PHF21B: variants seen among roughly 807,000 people sequenced by gnomAD.
PHF21B encodes PHD finger protein 4.
Under a neutral mutation model 62.2 loss-of-function variants are expected in PHF21B, and 22 were observed. That is an observed-to-expected ratio of 0.35 (90% CI 0.25 to 0.51). The LOEUF (loss-of-function observed/expected upper bound fraction) is 0.51, where lower values mean the gene tolerates loss of function less well. Ranked by LOEUF, PHF21B falls within the 20% of genes least tolerant of loss-of-function variation. The pLI is 0.97. For synonymous variants in PHF21B, 341 were observed against 314.7 expected (o/e 1.08, Z -0.88); for missense variants, 701 against 707.9 (o/e 0.99, Z 0.11).
At chr22:44,891,220 CCCAGGCCCAGGCGTGGAGGA>C (rs2070957961) in intron 8 of PHF21B, 66 bp downstream of exon 8, 2 of 1,492,088 alleles carry the variant, frequency 1.3e-6, no homozygotes, top group South Asian at 2.4e-5. Flanking sequence ...GGCAGCCCTG[CCCAGGCCCAGGCGTGGAGGA>C]CCACCCAGGG....
At position 45,009,225 on chromosome 22, in the gene PHF21B, A is replaced by C; in HGVS notation, c.54+271T>G. The C allele has an allele frequency of 2.2e-6, 1 of 447,292 alleles. No homozygotes were observed. Among genetic ancestry groups the C allele is most frequent in the Non-Finnish European group, 3.8e-6 (1 of 259,814 alleles). The allele number at this position is 447,292 out of a possible 1,614,324, so 27.7% of individuals were successfully genotyped here. On this transcript the variant is annotated intron_variant, in intron 1 of 12. Coordinates refer to ENST00000313237, the MANE Select transcript of PHF21B (RefSeq NM_138415.5). This position sits in a 1 kb window ranked among gnomAD's most constrained non-coding sequence, Gnocchi z 5.9. ...GCCCCCTCCAGGCACCCTCCCAGTC[A>C]TGCAGACCCTACATCGCTTAAGAGA...
intron 2 of PHF21B, among the ~76,000 whole-genome samples, chr22:44,925,805 C>T (rs182904061): frequency 2.6e-5 from 4 of 152,176 alleles, no homozygotes; most frequent in South Asian, 2.1e-4. Context: ...TCGAACTCCA[C>T]GACCAGTGTT....
At chr22:44,885,358 A>G (rs142573733) in intron 12 of PHF21B, 68 bp downstream of exon 12, 3 of 1,423,830 alleles carry the variant, frequency 2.1e-6, no homozygotes, top group East Asian at 2.5e-5. Context: ...GGACACATCT[A>G]TCTGTCCCCT....
At chr22:44,908,287 T>C (rs1008708510) in intron 5 of PHF21B, among the ~76,000 whole-genome samples, 1 of 152,144 alleles carries the variant, frequency 6.6e-6, no homozygotes, top group African/African-American at 2.4e-5. Flanking sequence ...CGTCCCCATC[T>C]GTACCATGGG....
chr22:44,969,494 C>T (rs543209115), intron 2 of PHF21B, among the ~76,000 whole-genome samples: 7 of 152,080 alleles, frequency 4.6e-5, no homozygotes, highest in South Asian at 2.1e-4. Context: ...GGTGAAACTC[C>T]GTCTCTACTA....
chr22:44,898,470 C>T (rs916752294), intron 5 of PHF21B, among the ~76,000 whole-genome samples: 5 of 152,128 alleles, frequency 3.3e-5, no homozygotes, highest in Admixed American at 6.6e-5. Flanking sequence ...TGCCCCGTGC[C>T]CCCATACCAT....
rs530689595 is a variant in PHF21B at position 45,001,401 on chromosome 22, T to G, written c.120+7144A>C. On this transcript the variant is annotated intron_variant, in intron 2 of 12. Coordinates refer to ENST00000313237, the MANE Select transcript of PHF21B (RefSeq NM_138415.5). Reference sequence around the variant, plus strand: ...AATCTGCCACCACCTTCTCTACCAGTGCAAATGTCACCTCCCTGGAGCTGT... The same window carrying G: ...AATCTGCCACCACCTTCTCTACCAGGGCAAATGTCACCTCCCTGGAGCTGT... The G allele has an allele frequency of 3.3e-5, 5 of 152,644 alleles. No individual in the cohort carries two copies. The South Asian group carries it at 6.2e-4, about 19-fold the overall frequency. The allele number at this position is 152,644 out of a possible 1,614,324, so 9.5% of individuals were successfully genotyped here.
intron 6 of PHF21B, 146 bp from the exon 7 acceptor site, chr22:44,893,679 G>C (rs887883798): frequency 1.4e-6 from 1 of 736,920 alleles, no homozygotes; most frequent in African/African-American, 1.7e-5. Context: ...AATGGCCCAG[G>C]GTGGGTTAGG....
At chr22:44,984,468 T>C (rs1439294869) in intron 2 of PHF21B, among the ~76,000 whole-genome samples, 1 of 152,162 alleles carries the variant, frequency 6.6e-6, no homozygotes, top group African/African-American at 2.4e-5. Context: ...CTGGACCCAG[T>C]GGTGGATTCC....
At position 44,888,001 on chromosome 22, in the gene PHF21B, G is replaced by C. The variant is rs759215827; in HGVS notation, c.1159C>G (p.Pro387Ala). The C allele has an allele frequency of 3.3e-5, 52 of 1,570,892 alleles. No homozygotes were observed. Among genetic ancestry groups the C allele is most frequent in the South Asian group, 2.8e-4 (24 of 84,712 alleles). Residue 387 changes from proline (P) to alanine (A), a missense_variant, in exon 10 of 13, where the codon CCC becomes GCC. Transcript: ENST00000313237. ...CTGGGGCACACCCACACGCCCTTGG[G>C]CGCCGTCTTGAGGGGCGGCTCCAGG... Reference protein sequence around the residue: ...SCLEPPLKTAPKGVWVCPRCQ... With the variant: ...SCLEPPLKTAAKGVWVCPRCQ...
chr22:44,885,584 C>G (rs953079361), intron 11 of PHF21B, 55 bp from the exon 12 acceptor site: 1 of 1,502,056 alleles, frequency 6.7e-7, no homozygotes, highest in Non-Finnish European at 9.0e-7. Context: ...GCGGCTGGGT[C>G]GTAGAGTAAA....
intron 2 of PHF21B, among the ~76,000 whole-genome samples, chr22:44,951,687 C>T (rs2072197783): frequency 6.6e-6 from 1 of 152,240 alleles, no homozygotes; most frequent in Non-Finnish European, 1.5e-5. Context: ...CAGTGTACTG[C>T]TGACTGGCAT....
At chr22:44,898,524 G>C (rs532851267) in intron 5 of PHF21B, among the ~76,000 whole-genome samples, 3 of 152,214 alleles carry the variant, frequency 2.0e-5, no homozygotes, top group African/African-American at 4.8e-5. Flanking sequence ...CACTTAAGGA[G>C]CTGGGAATCA....
chr22:45,009,463 CCCCGGCCCCGGG>C lies in PHF21B; in HGVS notation c.54+21_54+32del, dbSNP rs779527186. Reference sequence around the variant, plus strand: ...CGACCCCCTCACCCCGCAACACACTCCCCGGCCCCGGGCCCGGCCCCCGGCCACCTACCTGGT... The same window carrying C: ...CGACCCCCTCACCCCGCAACACACTCCCCGGCCCCCGGCCACCTACCTGGT... On this transcript the variant is annotated intron_variant, in intron 1 of 12. Transcript: ENST00000313237. This position sits in a 1 kb window ranked among gnomAD's most constrained non-coding sequence, Gnocchi z 5.9. The C allele has an allele frequency of 3.3e-6, 5 of 1,522,766 alleles. No individual in the cohort carries two copies. The highest frequency in any genetic ancestry group is 4.0e-5 in the Admixed American group (2 of 49,796). 94.3% of individuals were successfully genotyped at this position (1,522,766 alleles called of 1,614,324 possible). A position where few individuals can be genotyped will look rare whatever the true frequency, so the allele number is the denominator to read the frequency against.
intron 2 of PHF21B, among the ~76,000 whole-genome samples, chr22:44,991,640 G>C (rs1005311997): frequency 3.3e-5 from 5 of 152,226 alleles, no homozygotes; most frequent in African/African-American, 1.2e-4. Flanking sequence ...AGAGCTCGGG[G>C]GACCCTGGGG....
At chr22:44,910,656 A>T (rs2071329083) in intron 5 of PHF21B, among the ~76,000 whole-genome samples, 1 of 152,108 alleles carries the variant, frequency 6.6e-6, no homozygotes, top group East Asian at 1.9e-4. Flanking sequence ...TTCTGCCATG[A>T]TTGTGAGGCT....
intron 2 of PHF21B, among the ~76,000 whole-genome samples, chr22:44,954,928 G>A (rs2072264799): frequency 6.6e-6 from 1 of 152,228 alleles, no homozygotes; most frequent in South Asian, 2.1e-4. Flanking sequence ...ATGGGACAGA[G>A]AAGGCAGGAC....
At chr22:44,893,082 G>A (rs1186674463) in intron 7 of PHF21B, among the ~76,000 whole-genome samples, 1 of 152,084 alleles carries the variant, frequency 6.6e-6, no homozygotes, top group African/African-American at 2.4e-5. Context: ...TGAGCCAACT[G>A]CACAGGCTCT....
At chr22:45,005,984 C>T (rs2073307155) in intron 2 of PHF21B, among the ~76,000 whole-genome samples, 1 of 152,182 alleles carries the variant, frequency 6.6e-6, no homozygotes, top group African/African-American at 2.4e-5. Flanking sequence ...CCTCCAAAGG[C>T]TTGTTCATCG....
Sources: allele counts gnomAD v4.1 joint callset (sites outside exome capture counted in the v4.1 genomes callset), GRCh38; gene constraint gnomAD v4.1.1; non-coding constraint Gnocchi (gnomAD v3.1); transcripts MANE v1.5; gene names NCBI Gene and HGNC (gene_info 2026-07-23, HGNC 2026-07-21).